The following DPP10 variants were observed in gnomAD, a reference collection of about 807,000 sequenced individuals.
DPP10 encodes inactive dipeptidyl peptidase 10.
DPP10 carries 33 observed loss-of-function variants against 120.9 expected under a neutral mutation model. That is an observed-to-expected ratio of 0.27 (90% CI 0.21 to 0.37). The LOEUF is 0.37. Ranked by LOEUF, DPP10 falls within the 10% of genes least tolerant of loss-of-function variation. DPP10 has a pLI of 1.00. For synonymous variants in DPP10, 337 were observed against 326.1 expected, an observed-to-expected ratio of 1.03 and a Z score of -0.36; for missense variants, 816 against 942.8, an observed-to-expected ratio of 0.87 and a Z score of 1.76.
chr2:114,691,551 T>C (rs1319693770), intron 1 of DPP10, among the ~76,000 whole-genome samples: 3 of 152,048 alleles, frequency 2.0e-5, no homozygotes, highest in African/African-American at 7.2e-5. Context: ...CTCTGCCAGG[T>C]TTTTGTATCC....
intron 3 of DPP10, among the ~76,000 whole-genome samples, chr2:115,403,819 A>G (rs942020571): frequency 1.3e-5 from 2 of 152,208 alleles, no homozygotes; most frequent in African/African-American, 2.4e-5. Context: ...CTCTTTGTTG[A>G]TAAGATGATC....
chr2:115,133,673 A>G (rs998572343), intron 1 of DPP10, among the ~76,000 whole-genome samples: 1 of 152,154 alleles, frequency 6.6e-6, no homozygotes, highest in African/African-American at 2.4e-5. Context: ...AAAGGGAGGA[A>G]GTAAAGCTTT....
chr2:114,447,746 C>A (rs1262932960), intron 1 of DPP10, among the ~76,000 whole-genome samples: 1 of 152,182 alleles, frequency 6.6e-6, no homozygotes, highest in Non-Finnish European at 1.5e-5. Context: ...TCTACACTTC[C>A]ATTTAGCAAG....
chr2:115,738,370 G>A (rs1219715366), intron 8 of DPP10, among the ~76,000 whole-genome samples: 2 of 152,012 alleles, frequency 1.3e-5, no homozygotes, highest in Non-Finnish European at 2.9e-5. Context: ...TATCTGTGGG[G>A]TGTCAGAAGA....
chr2:115,395,656 A>G (rs1036231961), intron 3 of DPP10, among the ~76,000 whole-genome samples: 3 of 152,178 alleles, frequency 2.0e-5, no homozygotes, highest in Non-Finnish European at 4.4e-5. Context: ...GCACTGGTTT[A>G]CAACTCAGCT....
intron 3 of DPP10, among the ~76,000 whole-genome samples, chr2:115,401,344 C>T (rs1381346518): frequency 1.3e-5 from 2 of 152,158 alleles, no homozygotes; most frequent in Non-Finnish European, 2.9e-5. Context: ...CTTTGGGAGG[C>T]CAAACTGGGA....
chr2:114,503,215 A>C (rs1430120186), intron 1 of DPP10, among the ~76,000 whole-genome samples: 1 of 152,176 alleles, frequency 6.6e-6, no homozygotes, highest in Non-Finnish European at 1.5e-5. Flanking sequence ...AAAAGGAGGG[A>C]TGTGCACAGC....
intron 3 of DPP10, among the ~76,000 whole-genome samples, chr2:115,449,134 TAA>T (rs1001255601): frequency 9.9e-5 from 15 of 152,260 alleles, no homozygotes; most frequent in East Asian, 5.8e-4. Flanking sequence ...TCCTCCACTT[TAA>T]GTTTGATTTA....
chr2:114,547,224 C>T (rs1687487704), intron 1 of DPP10, among the ~76,000 whole-genome samples: 1 of 152,334 alleles, frequency 6.6e-6, no homozygotes, highest in African/African-American at 2.4e-5. Context: ...CTGGAGCAAG[C>T]CCTGGGTCGC....
intron 1 of DPP10, among the ~76,000 whole-genome samples, chr2:115,228,075 A>T (rs1199661108): frequency 1.3e-5 from 2 of 151,786 alleles, no homozygotes; most frequent in Non-Finnish European, 2.9e-5. Flanking sequence ...GGTGTGCACT[A>T]TTATGCCTTG....
intron 3 of DPP10, among the ~76,000 whole-genome samples, chr2:115,360,646 TG>T (rs2064704831): frequency 6.6e-6 from 1 of 152,190 alleles, no homozygotes; most frequent in African/African-American, 2.4e-5. Flanking sequence ...GGGAGCTCCC[TG>T]TAGTCTCTGG....
At chr2:115,394,605 G>T (rs1241651386) in intron 3 of DPP10, among the ~76,000 whole-genome samples, 1 of 152,034 alleles carries the variant, frequency 6.6e-6, no homozygotes, top group Non-Finnish European at 1.5e-5. Context: ...TTATGAGAGC[G>T]AGGTATAGAA....
chr2:115,289,503 A>AAAAAAAAAAAAAAAAAAAAAAT (rs70941042), intron 1 of DPP10, among the ~76,000 whole-genome samples: 3 of 96,266 alleles, frequency 3.1e-5, no homozygotes, highest in African/African-American at 4.2e-5. Flanking sequence ...AAAAAAAAAA[A>AAAAAAAAAAAAAAAAAAAAAAT]AGGAAGAAAA....
intron 1 of DPP10, among the ~76,000 whole-genome samples, chr2:114,662,059 T>G (rs1255063343): frequency 6.7e-6 from 1 of 150,234 alleles, no homozygotes; most frequent in Non-Finnish European, 1.5e-5. Context: ...AGGCCTCAGG[T>G]CGGCCGGCTG....
Position 115,633,132 on chromosome 2 carries a change from G to A in DPP10, c.442-56555G>A, listed in dbSNP as rs1053109074. 9.2e-5 allele frequency among the ~76,000 whole-genome samples: 14 copies of A among 152,240 alleles called. No individual in the cohort carries two copies. In the East Asian group the frequency reaches 1.3e-3, roughly 15 times the overall value. On this transcript the variant is annotated intron_variant, in intron 5 of 25. Coordinates refer to ENST00000410059, the MANE Select transcript of DPP10 (RefSeq NM_020868.6). ...TGCTGCTATAAAGACACATGCACAC[G>A]TATGTTTATTATGGCACTATTCACA...
intron 21 of DPP10, among the ~76,000 whole-genome samples, chr2:115,827,405 T>C (rs551205149): frequency 0.015 from 634 of 43,484 alleles, 5 homozygotes; most frequent in African/African-American, 0.032. Flanking sequence ...TGTGTGTGTA[T>C]GTGTGTGTGT....
At chr2:114,869,196 TAC>T (rs1167298006) in intron 1 of DPP10, among the ~76,000 whole-genome samples, 2 of 152,160 alleles carry the variant, frequency 1.3e-5, no homozygotes, top group Non-Finnish European at 2.9e-5. Context: ...AAATATTGTG[TAC>T]ATATATATAC....
At chr2:115,579,744 A>G (rs991118727) in intron 5 of DPP10, 2 of 152,230 alleles carry the variant, frequency 1.3e-5, no homozygotes. Flanking sequence ...ATTAGGTCCA[A>G]CAGTTGCAAA....
intron 5 of DPP10, among the ~76,000 whole-genome samples, chr2:115,529,185 G>T (rs2078312941): frequency 6.6e-6 from 1 of 151,326 alleles, no homozygotes; most frequent in Admixed American, 6.6e-5. Context: ...CCGGTGGGAG[G>T]GAGGCCGAGA....
Sources: gnomAD v4.1 joint callset for allele counts (sites outside exome capture counted in the v4.1 genomes callset) on GRCh38, gnomAD v4.1.1 for gene constraint, MANE v1.5 for transcripts, NCBI Gene and HGNC (gene_info 2026-07-23, HGNC 2026-07-21) for gene names.